ZBTB20: variants seen among roughly 807,000 people sequenced by gnomAD.
ZBTB20 encodes zinc finger and BTB domain-containing protein 20.
ZBTB20 carries 9 observed loss-of-function variants against 56.9 expected under a neutral mutation model. That is an observed-to-expected ratio of 0.16 (90% CI 0.10 to 0.28). The LOEUF (loss-of-function observed/expected upper bound fraction) is 0.28, where lower values mean the gene tolerates loss of function less well. ZBTB20 is among the 10% of genes least tolerant of loss of function. The pLI is 1.00. For missense variants in ZBTB20, 655 were observed against 1,003.0 expected (o/e 0.65, Z 4.69); for synonymous variants, 417 against 420.7 (o/e 0.99, Z 0.11).
intron 6 of ZBTB20, among the ~76,000 whole-genome samples, chr3:114,638,146 T>C (rs961517739): frequency 1.3e-5 from 2 of 152,120 alleles, no homozygotes; most frequent in Non-Finnish European, 2.9e-5. Flanking sequence ...GATTCAGTTA[T>C]AGCCAATAAG....
At chr3:114,412,735 G>T (rs1226556941) in intron 7 of ZBTB20, among the ~76,000 whole-genome samples, 3 of 152,064 alleles carry the variant, frequency 2.0e-5, no homozygotes, top group Admixed American at 6.6e-5. Flanking sequence ...ACTTGATTCT[G>T]GTCACTTTTA....
intron 3 of ZBTB20, among the ~76,000 whole-genome samples, chr3:114,972,407 T>C (rs2077921686): frequency 6.6e-6 from 1 of 152,188 alleles, no homozygotes; most frequent in Non-Finnish European, 1.5e-5. Context: ...ACCTGCATAG[T>C]ACCATTTCTG....
chr3:115,053,191 T>C (rs1260370133), intron 2 of ZBTB20, among the ~76,000 whole-genome samples: 1 of 152,214 alleles, frequency 6.6e-6, no homozygotes, highest in Non-Finnish European at 1.5e-5. Context: ...CTTTAAAGCA[T>C]TTGATCTATC....
chr3:114,429,111 G>A (rs1439656984), intron 7 of ZBTB20, among the ~76,000 whole-genome samples: 1 of 152,166 alleles, frequency 6.6e-6, no homozygotes, highest in East Asian at 1.9e-4. Flanking sequence ...CCATGGTCAA[G>A]AAGCCACGGA....
intron 6 of ZBTB20, among the ~76,000 whole-genome samples, chr3:114,674,601 C>T (rs1270818307): frequency 6.6e-6 from 1 of 151,970 alleles, no homozygotes; most frequent in East Asian, 1.9e-4. Context: ...AAAATAAAGT[C>T]AATTGGTATA....
At chr3:114,464,010 C>T (rs4132565) in intron 7 of ZBTB20, among the ~76,000 whole-genome samples, 29,005 of 152,080 alleles carry the variant, frequency 0.19, 5,284 homozygotes, top group African/African-American at 0.47. Context: ...TTTAATTGTG[C>T]ATACAATTCT....
chr3:114,538,741 G>A (rs1020625078), intron 6 of ZBTB20, among the ~76,000 whole-genome samples: 1 of 152,118 alleles, frequency 6.6e-6, no homozygotes, highest in Non-Finnish European at 1.5e-5. Context: ...CAAACTGTTG[G>A]AGTTAAATCA....
At chr3:114,608,011 G>A (rs1361391541) in intron 6 of ZBTB20, among the ~76,000 whole-genome samples, 1 of 152,160 alleles carries the variant, frequency 6.6e-6, no homozygotes, top group Non-Finnish European at 1.5e-5. Flanking sequence ...AGGTAACATA[G>A]CTCTGTGTTC....
In ZBTB20 at chr3:114,625,476, A is replaced by C. The variant is rs183230809; in HGVS notation, c.-295+68052T>G. Among the ~76,000 whole-genome samples the C allele has an allele frequency of 8.5e-5, 13 of 152,318 alleles. No individual in the cohort carries two copies. In the East Asian group the frequency reaches 1.7e-3, roughly 20 times the overall value. Reference sequence around the variant, plus strand: ...AATAAAATGCAAGGCACTGCAGTTAAATAGCAAGAAAAGCCTCATATTTCA... The same window carrying C: ...AATAAAATGCAAGGCACTGCAGTTACATAGCAAGAAAAGCCTCATATTTCA... On this transcript the variant is annotated intron_variant, in intron 6 of 11. Transcript: ENST00000675478.
intron 6 of ZBTB20, chr3:114,520,266 C>T (rs1321581399): frequency 6.6e-6 from 1 of 152,084 alleles, no homozygotes; most frequent in East Asian, 1.9e-4. Context: ...ATGTACCCCC[C>T]ACACAAAAAT....
At chr3:114,902,838 T>A (rs776751539) in intron 3 of ZBTB20, among the ~76,000 whole-genome samples, 1 of 152,158 alleles carries the variant, frequency 6.6e-6, no homozygotes, top group Non-Finnish European at 1.5e-5. Context: ...TAAAAGACAC[T>A]GTTATGACAA....
At chr3:115,058,378 TCTTA>T (rs1340875014) in intron 2 of ZBTB20, among the ~76,000 whole-genome samples, 1 of 152,190 alleles carries the variant, frequency 6.6e-6, no homozygotes, top group Non-Finnish European at 1.5e-5. Flanking sequence ...ATTTTTCTCC[TCTTA>T]CTTATAGTTG....
intron 5 of ZBTB20, among the ~76,000 whole-genome samples, chr3:114,734,194 TA>T (rs1161367884): frequency 3.3e-5 from 5 of 151,528 alleles, no homozygotes; most frequent in Non-Finnish European, 5.9e-5. Context: ...AATAAATACA[TA>T]TATAATATGT....
chr3:114,841,502 T>C (rs1225010622), intron 4 of ZBTB20, among the ~76,000 whole-genome samples: 3 of 152,040 alleles, frequency 2.0e-5, no homozygotes, highest in Non-Finnish European at 2.9e-5. Flanking sequence ...TGCAATAACT[T>C]AGGTGAGATA....
At chr3:115,095,838 ATATC>A (rs1220853690) in intron 1 of ZBTB20, among the ~76,000 whole-genome samples, 1 of 152,232 alleles carries the variant, frequency 6.6e-6, no homozygotes, top group East Asian at 1.9e-4. Flanking sequence ...ATTCTCTAGA[ATATC>A]TAAGATATGT....
At chr3:114,716,932 G>A (rs2064522712) in intron 5 of ZBTB20, among the ~76,000 whole-genome samples, 1 of 151,998 alleles carries the variant, frequency 6.6e-6, no homozygotes, top group Non-Finnish European at 1.5e-5. Context: ...AAAGTGGGGG[G>A]TATTCATTGA....
intron 1 of ZBTB20, among the ~76,000 whole-genome samples, chr3:115,145,532 G>A (rs996863898): frequency 3.3e-5 from 5 of 152,024 alleles, no homozygotes; most frequent in Admixed American, 1.3e-4. Context: ...TTAATAAATC[G>A]TTGTTACACT....
intron 5 of ZBTB20, among the ~76,000 whole-genome samples, chr3:114,733,349 C>T (rs747487952): frequency 2.0e-5 from 3 of 152,176 alleles, no homozygotes; most frequent in Non-Finnish European, 2.9e-5. Context: ...TGAAAAGCTG[C>T]AGAGTGTGCC....
chr3:114,711,260 C>T (rs748308442), intron 5 of ZBTB20, among the ~76,000 whole-genome samples: 52 of 152,002 alleles, frequency 3.4e-4, no homozygotes, highest in Non-Finnish European at 6.8e-4. Context: ...TCATAGGAAA[C>T]TTTGTTTAAT....
Sources: allele counts gnomAD v4.1 joint callset (sites outside exome capture counted in the v4.1 genomes callset), GRCh38; gene constraint gnomAD v4.1.1; transcripts MANE v1.5; gene names NCBI Gene and HGNC (gene_info 2026-07-23, HGNC 2026-07-21).